Variants in ZFHX3 observed in about 807,000 individuals in gnomAD.
ZFHX3 encodes zinc finger homeobox protein 3.
Under a neutral mutation model 279.1 loss-of-function variants are expected in ZFHX3, and 42 were observed. The observed-to-expected ratio is 0.15, with a 90% CI of 0.12 to 0.19. The LOEUF is 0.19. Among genes scored for constraint, ZFHX3 ranks in the 10% least tolerant of loss-of-function variants. The pLI is 1.00. For missense variants in ZFHX3, 4,981 were observed against 4,754.0 expected (o/e 1.05, Z -1.40); for synonymous variants, 2,293 against 1,957.8 (o/e 1.17, Z -4.52).
At chr16:73,791,254 C>T (rs1273199908) in intron 1 of ZFHX3, among the ~76,000 whole-genome samples, 4 of 151,994 alleles carry the variant, frequency 2.6e-5, no homozygotes, top group Non-Finnish European at 4.4e-5. Flanking sequence ...CATGAGCCAC[C>T]GTGCCCAGCC....
chr16:73,123,936 T>C (rs949547279), intron 7 of ZFHX3, among the ~76,000 whole-genome samples: 1 of 152,180 alleles, frequency 6.6e-6, no homozygotes, highest in African/African-American at 2.4e-5. Flanking sequence ...GATCTTGGAC[T>C]TCTCAGGCTC....
At chr16:73,776,546 G>A (rs938176334) in intron 1 of ZFHX3, among the ~76,000 whole-genome samples, 3 of 152,078 alleles carry the variant, frequency 2.0e-5, no homozygotes, top group South Asian at 2.1e-4. Flanking sequence ...ATATGCAACC[G>A]CGTTAATGCC....
chr16:73,471,806 G>A (rs542456166), intron 2 of ZFHX3, among the ~76,000 whole-genome samples: 12 of 152,274 alleles, frequency 7.9e-5, no homozygotes, highest in African/African-American at 2.9e-4. Context: ...TGCTGGAAAA[G>A]GAGAAAATGA....
At chr16:73,020,420 C>G (rs1170966807) in intron 1 of ZFHX3, among the ~76,000 whole-genome samples, 1 of 152,186 alleles carries the variant, frequency 6.6e-6, no homozygotes, top group African/African-American at 2.4e-5. Flanking sequence ...AGCTCTCTGT[C>G]TTAGATTCCG....
At chr16:72,956,332 G>A (rs892732404) in intron 2 of ZFHX3, among the ~76,000 whole-genome samples, 1 of 152,262 alleles carries the variant, frequency 6.6e-6, no homozygotes, top group Middle Eastern at 3.4e-3. Flanking sequence ...GCTTAATTCA[G>A]GCCATTGTCA....
At chr16:73,064,068 T>G (rs1354424376), upstream of ZFHX3, among the ~76,000 whole-genome samples, 1 of 152,134 alleles carries the variant, frequency 6.6e-6, no homozygotes, top group Non-Finnish European at 1.5e-5. Flanking sequence ...GAGGATGGCA[T>G]TTAGGACGAC....
chr16:73,607,429 T>C (rs1214360771), intron 2 of ZFHX3, among the ~76,000 whole-genome samples: 1 of 152,196 alleles, frequency 6.6e-6, no homozygotes, highest in East Asian at 1.9e-4. Flanking sequence ...CAAAAGAATA[T>C]AAATCATTCT....
intron 4 of ZFHX3, among the ~76,000 whole-genome samples, chr16:72,884,796 A>G (rs943320388): frequency 1.3e-5 from 2 of 152,208 alleles, no homozygotes; most frequent in Non-Finnish European, 2.9e-5. Flanking sequence ...CCCACCTCTG[A>G]GAGCTCTCCA....
chr16:73,577,452 C>T (rs2051812663), intron 2 of ZFHX3, among the ~76,000 whole-genome samples: 1 of 152,160 alleles, frequency 6.6e-6, no homozygotes, highest in African/African-American at 2.4e-5. Context: ...ACAATTATCT[C>T]AAAATATATA....
chr16:73,766,415 C>A (rs2053944345), intron 1 of ZFHX3, among the ~76,000 whole-genome samples: 1 of 152,124 alleles, frequency 6.6e-6, no homozygotes, highest in Non-Finnish European at 1.5e-5. Flanking sequence ...CTGGATCTTT[C>A]TGGGTATCAT....
chr16:73,125,779 C>CAT (rs71714497), intron 7 of ZFHX3, among the ~76,000 whole-genome samples: 81 of 151,072 alleles, frequency 5.4e-4, no homozygotes, highest in Middle Eastern at 3.4e-3. Flanking sequence ...AATAAACTCC[C>CAT]ATATATATAT....
At chr16:73,680,016 A>G (rs920890074) in intron 2 of ZFHX3, 1 of 152,212 alleles carries the variant, frequency 6.6e-6, no homozygotes, top group Middle Eastern at 3.2e-3. Context: ...AAGTAAAGCC[A>G]TTAACGCGTA....
rs532071440 is a variant in ZFHX3 at position 72,818,070 on chromosome 16, G to A, written c.3530-6032C>T. On this transcript the variant is annotated intron_variant, in intron 5 of 9. Coordinates refer to ENST00000268489, the MANE Select transcript of ZFHX3 (RefSeq NM_006885.4). Reference sequence around the variant, plus strand: ...TTACAGCAATCTTTTCTCTATCTCCGTTGACTAGCGAAAAAAGAAATTCAC... The same window carrying A: ...TTACAGCAATCTTTTCTCTATCTCCATTGACTAGCGAAAAAAGAAATTCAC... 2.8e-4 allele frequency among the ~76,000 whole-genome samples: 42 copies of A among 152,208 alleles called. 1 individual carries two copies. The South Asian group carries it at 6.0e-3, about 22-fold the overall frequency.
At chr16:72,844,611 A>G (rs2037431523) in intron 4 of ZFHX3, among the ~76,000 whole-genome samples, 1 of 152,038 alleles carries the variant, frequency 6.6e-6, no homozygotes, top group African/African-American at 2.4e-5. Context: ...AACAACTAAT[A>G]ATGACTGACC....
chr16:73,342,141 T>C (rs1051293288), intron 3 of ZFHX3, among the ~76,000 whole-genome samples: 7 of 152,160 alleles, frequency 4.6e-5, no homozygotes, highest in Admixed American at 1.3e-4. Flanking sequence ...ATTAGACTCA[T>C]AAATATTAGA....
At chr16:72,851,721 T>C (rs566844942) in intron 4 of ZFHX3, among the ~76,000 whole-genome samples, 1 of 152,136 alleles carries the variant, frequency 6.6e-6, no homozygotes, top group South Asian at 2.1e-4. Context: ...CGGCTAATTT[T>C]TGTATTTTTA....
intron 2 of ZFHX3, among the ~76,000 whole-genome samples, chr16:73,566,163 G>A (rs183441765): frequency 6.6e-6 from 1 of 152,336 alleles, no homozygotes; most frequent in Admixed American, 6.5e-5. Context: ...CATGCGGGCA[G>A]GAAGGCCCTG....
At chr16:73,105,134 G>C (rs995737210) in intron 7 of ZFHX3, among the ~76,000 whole-genome samples, 1 of 151,924 alleles carries the variant, frequency 6.6e-6, no homozygotes, top group Non-Finnish European at 1.5e-5. Flanking sequence ...GGCCAGGAGT[G>C]GTGGCTCACG....
intron 2 of ZFHX3, among the ~76,000 whole-genome samples, chr16:73,568,775 A>G (rs1447400931): frequency 6.6e-6 from 1 of 152,054 alleles, no homozygotes; most frequent in Non-Finnish European, 1.5e-5. Flanking sequence ...TCCTCTTGCA[A>G]ATTTCTTTGG....
Sources: allele counts gnomAD v4.1 joint callset (sites outside exome capture counted in the v4.1 genomes callset), GRCh38; gene constraint gnomAD v4.1.1; transcripts MANE v1.5; gene names NCBI Gene and HGNC (gene_info 2026-07-23, HGNC 2026-07-21).